Variants in CHD6 observed in about 807,000 individuals in gnomAD.
CHD6 encodes chromodomain helicase DNA binding protein 6, also known as ATP-dependent chromatin remodeler CHD6.
In CHD6, 50 loss-of-function variants were observed where a neutral mutation model predicts 276.9. The observed-to-expected ratio is 0.18, with a 90% CI of 0.14 to 0.23. The LOEUF (loss-of-function observed/expected upper bound fraction) is 0.23, where lower values mean the gene tolerates loss of function less well. Among genes scored for constraint, CHD6 ranks in the 10% least tolerant of loss-of-function variants. CHD6 has a pLI of 1.00. For synonymous variants in CHD6, 1,173 were observed against 1,229.3 expected, an observed-to-expected ratio of 0.95 and a Z score of 0.96; for missense variants, 2,564 against 3,365.8, an observed-to-expected ratio of 0.76 and a Z score of 5.89.
At chr20:41,615,039 C>T (rs1027285627) in intron 1 of CHD6, among the ~76,000 whole-genome samples, 10 of 152,106 alleles carry the variant, frequency 6.6e-5, no homozygotes, top group African/African-American at 2.2e-4. Flanking sequence ...TAACACCATA[C>T]CACTAAAATA....
At position 41,473,200 on chromosome 20, in the gene CHD6, C is replaced by T. The variant is rs184245481; in HGVS notation, c.2664+122G>A. The T allele has an allele frequency of 1.1e-4, 94 of 871,018 alleles. No homozygotes were observed. In the Admixed American group the frequency reaches 1.2e-3, roughly 11 times the overall value. The allele number at this position is 871,018 out of a possible 1,614,324, so 54.0% of individuals were successfully genotyped here. A position where few individuals can be genotyped will look rare whatever the true frequency, so the allele number is the denominator to read the frequency against. On this transcript the variant is annotated intron_variant, in intron 17 of 36. Coordinates refer to ENST00000373233, the MANE Select transcript of CHD6 (RefSeq NM_032221.5). The surrounding 1 kb of genome is among the most constrained non-coding windows in gnomAD (Gnocchi z 4.1). ...TCACCCCCTGACCAAGGCCCTAAGC[C>T]TGTCATCCAGCTGACACCATAGCAT...
chr20:41,540,244 G>T (rs1050558849), intron 2 of CHD6, among the ~76,000 whole-genome samples: 10 of 152,214 alleles, frequency 6.6e-5, no homozygotes, highest in African/African-American at 2.4e-4. Context: ...GAGAAAAAGG[G>T]AGTCTATAGA....
chr20:41,564,381 A>G (rs1011084519), intron 1 of CHD6, among the ~76,000 whole-genome samples: 1 of 152,248 alleles, frequency 6.6e-6, no homozygotes, highest in Non-Finnish European at 1.5e-5. Context: ...CACAACATGG[A>G]TGAATCTCAA....
chr20:41,599,851 C>A (rs6102491), intron 1 of CHD6, among the ~76,000 whole-genome samples: 53,716 of 152,036 alleles, frequency 0.35, 12,298 homozygotes, highest in African/African-American at 0.63. Flanking sequence ...TCTCCCTTCC[C>A]GCCTAATTGG....
At chr20:41,566,005 G>A (rs1372425003) in intron 1 of CHD6, among the ~76,000 whole-genome samples, 2 of 152,128 alleles carry the variant, frequency 1.3e-5, no homozygotes, top group Non-Finnish European at 2.9e-5. Context: ...TGGCTCCATG[G>A]AGTAAGACAA....
At chr20:41,482,411 T>C (rs1208860428) in intron 16 of CHD6, 3 of 338,208 alleles carry the variant, frequency 8.9e-6, no homozygotes, top group African/African-American at 6.6e-5. Flanking sequence ...AGTGTCAGCA[T>C]ACCCATAGTT....
chr20:41,450,368 T>TC lies in CHD6; in HGVS notation c.3683+577dup, dbSNP rs1346025956. 3.9e-5 allele frequency among the ~76,000 whole-genome samples: 6 copies of TC among 152,220 alleles called. No individual in the cohort carries two copies. In the East Asian group the frequency reaches 1.2e-3, roughly 29 times the overall value. On this transcript the variant is annotated intron_variant, in intron 23 of 36. Coordinates refer to ENST00000373233, the MANE Select transcript of CHD6 (RefSeq NM_032221.5). ...GATACATTGCACAGTGGTGCAAATATCCACATGCAAACTTGCCATTGTTTT... is the reference window on the plus strand; with the variant it reads ...GATACATTGCACAGTGGTGCAAATATCCCACATGCAAACTTGCCATTGTTTT...
chr20:41,456,264 A>G (rs1157957612), intron 18 of CHD6, among the ~76,000 whole-genome samples: 1 of 152,066 alleles, frequency 6.6e-6, no homozygotes, highest in Non-Finnish European at 1.5e-5. Context: ...AAGCCACTAT[A>G]ACTATGCATC....
intron 13 of CHD6, 30 bp from the exon 14 acceptor site, chr20:41,487,838 G>A (rs1459886920): frequency 6.3e-7 from 1 of 1,587,110 alleles, no homozygotes; most frequent in African/African-American, 1.4e-5. Context: ...ATGATGGACA[G>A]TGCTTGAGCC....
At chr20:41,541,346 T>A (rs2044938942) in intron 2 of CHD6, among the ~76,000 whole-genome samples, 1 of 152,246 alleles carries the variant, frequency 6.6e-6, no homozygotes, top group Admixed American at 6.5e-5. Flanking sequence ...AGGAGTCCTG[T>A]GCTTTAGGTG....
At chr20:41,539,312 A>T (rs140132337) in intron 2 of CHD6, among the ~76,000 whole-genome samples, 2 of 152,272 alleles carry the variant, frequency 1.3e-5, no homozygotes, top group African/African-American at 4.8e-5. Context: ...TCTTCTCTGT[A>T]TCTCACCTGA....
chr20:41,571,878 C>T (rs1243637776), intron 1 of CHD6, among the ~76,000 whole-genome samples: 1 of 152,174 alleles, frequency 6.6e-6, no homozygotes, highest in Non-Finnish European at 1.5e-5. Context: ...GTGTAACCAG[C>T]ATCCCCATCC....
At position 41,405,310 on chromosome 20, in the gene CHD6, G is replaced by A. The variant is rs376200388; in HGVS notation, c.7431C>T (p.Asp2477=). 5.6e-6 allele frequency: 9 copies of A among 1,614,182 alleles called. No individual in the cohort carries two copies. Among genetic ancestry groups the A allele is most frequent in the Non-Finnish European group, 7.6e-6 (9 of 1,180,048 alleles). Residue 2477 remains aspartate (D), a synonymous_variant, in exon 37 of 37, where the codon GAC becomes GAT. Transcript: ENST00000373233. ...TTCTCATGTTCTGAAGTCCTACCAG[G>A]TCCATCCCAGCAATCAGTCCATTCA... The part of the protein sequence containing the change: ...LFMNGLIAGM[D]LVGLQNMRNM...
At chr20:41,596,663 G>A (rs933144866) in intron 1 of CHD6, among the ~76,000 whole-genome samples, 1 of 151,928 alleles carries the variant, frequency 6.6e-6, no homozygotes, top group Non-Finnish European at 1.5e-5. Context: ...TGAACCCAAA[G>A]TATTTCCCGA....
chr20:41,493,016 A>AT (rs1568640753), intron 10 of CHD6, among the ~76,000 whole-genome samples: 1 of 152,210 alleles, frequency 6.6e-6, no homozygotes, highest in Non-Finnish European at 1.5e-5. Context: ...TTGGCAGTTG[A>AT]GTGGTAATAA....
intron 1 of CHD6, among the ~76,000 whole-genome samples, chr20:41,593,370 A>C (rs930054299): frequency 5.9e-5 from 9 of 152,202 alleles, no homozygotes; most frequent in African/African-American, 1.9e-4. Flanking sequence ...TTATGAGAAC[A>C]CACAAGGAGT....
intron 2 of CHD6, chr20:41,547,583 G>T: frequency 1.9e-6 from 1 of 529,814 alleles, no homozygotes; most frequent in Non-Finnish European, 3.7e-6. Context: ...GTGACTGGAA[G>T]GGTCTAAGGA....
At chr20:41,405,714 G>A (rs1325766999) in intron 36 of CHD6, among the ~76,000 whole-genome samples, 1 of 152,188 alleles carries the variant, frequency 6.6e-6, no homozygotes, top group Non-Finnish European at 1.5e-5. Flanking sequence ...GGCACAACTA[G>A]GGCACCTGTC....
intron 1 of CHD6, among the ~76,000 whole-genome samples, chr20:41,601,303 A>G (rs1166646362): frequency 6.6e-6 from 1 of 152,188 alleles, no homozygotes; most frequent in Non-Finnish European, 1.5e-5. Flanking sequence ...AAGCATGAAA[A>G]TGTCTGTTGA....
Sources: gnomAD v4.1 joint callset for allele counts (sites outside exome capture counted in the v4.1 genomes callset) on GRCh38, gnomAD v4.1.1 for gene constraint, Gnocchi (gnomAD v3.1) non-coding constraint, MANE v1.5 for transcripts, NCBI Gene and HGNC (gene_info 2026-07-23, HGNC 2026-07-21) for gene names.